The following PLCB1 variants were observed in gnomAD, a reference collection of about 807,000 sequenced individuals.
The protein encoded by PLCB1 is phospholipase C beta 1, also known as 1-phosphatidylinositol 4,5-bisphosphate phosphodiesterase beta-1.
Under a neutral mutation model 161.8 loss-of-function variants are expected in PLCB1, and 46 were observed. That is an observed-to-expected ratio of 0.28 (90% CI 0.22 to 0.36). The LOEUF is 0.36. PLCB1 is among the 10% of genes least tolerant of loss of function. The probability of loss-of-function intolerance (pLI) is 1.00; values close to 1 mark genes in which losing one functional copy is unlikely to be tolerated. For missense variants in PLCB1, 1,016 were observed against 1,472.5 expected, an observed-to-expected ratio of 0.69 and a Z score of 5.07; for synonymous variants, 517 against 503.7, an observed-to-expected ratio of 1.03 and a Z score of -0.35.
chr20:8,693,393 A>G (rs1174307473), intron 10 of PLCB1, among the ~76,000 whole-genome samples: 1 of 152,206 alleles, frequency 6.6e-6, no homozygotes, highest in East Asian at 1.9e-4. Flanking sequence ...GCAGGCAGAT[A>G]CCATGTAATT....
chr20:8,593,153 C>T (rs1484607226), intron 3 of PLCB1, among the ~76,000 whole-genome samples: 1 of 152,042 alleles, frequency 6.6e-6, no homozygotes, highest in Admixed American at 6.6e-5. Context: ...ACTCACAGGC[C>T]CTGCCCCCCA....
chr20:8,559,210 A>C (rs1308497010), intron 3 of PLCB1, among the ~76,000 whole-genome samples: 4 of 151,978 alleles, frequency 2.6e-5, no homozygotes, highest in African/African-American at 9.7e-5. Flanking sequence ...GATATGGAGA[A>C]TATAAGAGCA....
At chr20:8,566,059 A>G (rs1205698317) in intron 3 of PLCB1, among the ~76,000 whole-genome samples, 1 of 152,170 alleles carries the variant, frequency 6.6e-6, no homozygotes, top group African/African-American at 2.4e-5. Context: ...TGTATTTGCT[A>G]TCAATTATAT....
At chr20:8,496,596 A>G (rs1983183618) in intron 3 of PLCB1, among the ~76,000 whole-genome samples, 1 of 152,220 alleles carries the variant, frequency 6.6e-6, no homozygotes, top group African/African-American at 2.4e-5. Flanking sequence ...GATGGACAAG[A>G]TTCACAGGCC....
At chr20:8,814,252 G>A (rs1371933002) in intron 31 of PLCB1, among the ~76,000 whole-genome samples, 2 of 152,084 alleles carry the variant, frequency 1.3e-5, no homozygotes, top group African/African-American at 4.8e-5. Context: ...GGTGTTTGTC[G>A]ATGGCATTAT....
intron 31 of PLCB1, among the ~76,000 whole-genome samples, chr20:8,801,504 C>T (rs974756726): frequency 2.0e-5 from 3 of 152,180 alleles, no homozygotes; most frequent in Non-Finnish European, 4.4e-5. Context: ...TTGTCTGTTT[C>T]GTTCCCTGAC....
chr20:8,386,405 T>TC (rs1987428000), intron 3 of PLCB1, among the ~76,000 whole-genome samples: 1 of 152,204 alleles, frequency 6.6e-6, no homozygotes, highest in East Asian at 1.9e-4. Flanking sequence ...GCCAGGTGCA[T>TC]TGTCAATGAG....
At chr20:8,377,508 G>C (rs1600355994) in intron 3 of PLCB1, among the ~76,000 whole-genome samples, 1 of 152,194 alleles carries the variant, frequency 6.6e-6, no homozygotes, top group African/African-American at 2.4e-5. Flanking sequence ...CTACAAAAGA[G>C]AGAAGCAAGC....
Position 8,658,653 on chromosome 20 carries a change from G to A in PLCB1, c.811G>A (p.Val271Ile), listed in dbSNP as rs1301170263. ...TTATCCACCTCTAAAACAAGAGCAA[G>A]TCCAAGTATTGATTGAGAAGTATGA... ...ILYPPLKQEQ[V>I]QVLIEKYEPN... The change falls in exon 9 of 32, where the codon GTC becomes ATC. Residue 271 changes from valine to isoleucine, a missense_variant. Physicochemically the swap from Val to Ile is conservative, Grantham distance 29. Around this residue, in one of 10 missense-constraint regions of PLCB1, gnomAD observed 117 missense variants for 142.2 expected, o/e 0.82. Coordinates refer to ENST00000338037, the MANE Select transcript of PLCB1 (RefSeq NM_015192.4). 6.2e-7 allele frequency: 1 copy of A among 1,612,968 alleles called. No individual in the cohort carries two copies. The highest frequency in any genetic ancestry group is 1.3e-5 in the African/African-American group (1 of 74,924).
chr20:8,209,622 G>A (rs1978714463), intron 2 of PLCB1, among the ~76,000 whole-genome samples: 1 of 152,020 alleles, frequency 6.6e-6, no homozygotes, highest in South Asian at 2.1e-4. Context: ...CATAATTTCT[G>A]TTGGGAAAGA....
chr20:8,559,497 A>T (rs534264849), intron 3 of PLCB1, among the ~76,000 whole-genome samples: 2 of 152,098 alleles, frequency 1.3e-5, no homozygotes, highest in African/African-American at 4.8e-5. Context: ...AAATGAGCTA[A>T]ACTCTCCAAT....
At chr20:8,540,496 A>C (rs186987589) in intron 3 of PLCB1, among the ~76,000 whole-genome samples, 1 of 152,280 alleles carries the variant, frequency 6.6e-6, no homozygotes, top group East Asian at 1.9e-4. Flanking sequence ...AATCAGAAGC[A>C]CATTATATCT....
intron 1 of PLCB1, among the ~76,000 whole-genome samples, chr20:8,134,496 T>A (rs911527372): frequency 3.9e-5 from 6 of 152,242 alleles, no homozygotes; most frequent in African/African-American, 1.4e-4. Flanking sequence ...GAAAGTATTC[T>A]ATGAAAACAC....
At chr20:8,867,426 T>G (rs142672299) in intron 31 of PLCB1, among the ~76,000 whole-genome samples, 169 of 152,378 alleles carry the variant, frequency 1.1e-3, no homozygotes, top group African/African-American at 4.0e-3. Context: ...ACTGAATTCA[T>G]AATGTATGTT....
chr20:8,233,764 A>G (rs1980185930), intron 2 of PLCB1, among the ~76,000 whole-genome samples: 1 of 152,036 alleles, frequency 6.6e-6, no homozygotes, highest in South Asian at 2.1e-4. Context: ...TCTCTACCCA[A>G]GGCTAATCTT....
intron 3 of PLCB1, among the ~76,000 whole-genome samples, chr20:8,497,328 T>A (rs6086472): frequency 0.71 from 107,938 of 152,114 alleles, 38,471 homozygotes; most frequent in African/African-American, 0.73. Flanking sequence ...TACACATCTG[T>A]TATTTGTTAT....
intron 3 of PLCB1, among the ~76,000 whole-genome samples, chr20:8,546,588 C>G (rs372642643): frequency 1.3e-5 from 2 of 152,064 alleles, no homozygotes; most frequent in African/African-American, 4.8e-5. Context: ...GTAATGCAAC[C>G]TGTGTTTCTA....
chr20:8,792,744 C>A (rs544698938), intron 31 of PLCB1: 87 of 410,090 alleles, frequency 2.1e-4, no homozygotes, highest in African/African-American at 1.5e-3. Flanking sequence ...AACGTTGTGC[C>A]TTAAAGCTGT....
intron 3 of PLCB1, among the ~76,000 whole-genome samples, chr20:8,556,651 G>T (rs1385819227): frequency 8.0e-6 from 1 of 125,386 alleles, no homozygotes; most frequent in Non-Finnish European, 1.6e-5. Context: ...GCTAGGAGAG[G>T]GTTGGGTGTG....
Sources: allele counts gnomAD v4.1 joint callset (sites outside exome capture counted in the v4.1 genomes callset), GRCh38; gene constraint gnomAD v4.1.1; regional missense constraint gnomAD v4.1.1; transcripts MANE v1.5; gene names NCBI Gene and HGNC (gene_info 2026-07-23, HGNC 2026-07-21).